MINDY3: variants seen among roughly 807,000 people sequenced by gnomAD.
The protein encoded by MINDY3 is ubiquitin carboxyl-terminal hydrolase MINDY-3.
Under a neutral mutation model 69.2 loss-of-function variants are expected in MINDY3, and 38 were observed. That is an observed-to-expected ratio of 0.55 (90% CI 0.42 to 0.72). The LOEUF (loss-of-function observed/expected upper bound fraction) is 0.72, where lower values mean the gene tolerates loss of function less well. MINDY3 is among the 30% of genes least tolerant of loss of function. The probability of loss-of-function intolerance (pLI) is 0.00; values close to 1 mark genes in which losing one functional copy is unlikely to be tolerated. For synonymous variants in MINDY3, 192 were observed against 180.1 expected, an observed-to-expected ratio of 1.07 and a Z score of -0.53; for missense variants, 522 against 519.0, an observed-to-expected ratio of 1.01 and a Z score of -0.06.
intron 3 of MINDY3, among the ~76,000 whole-genome samples, chr10:15,842,118 TAC>T (rs1302151584): frequency 2.0e-5 from 3 of 151,974 alleles, no homozygotes; most frequent in African/African-American, 7.2e-5. Context: ...GTGGTTAGAA[TAC>T]AGATTTGAGC....
At chr10:15,820,021 T>C (rs1839647543) in intron 9 of MINDY3, among the ~76,000 whole-genome samples, 1 of 152,200 alleles carries the variant, frequency 6.6e-6, no homozygotes, top group Non-Finnish European at 1.5e-5. Context: ...TACCTAGCAA[T>C]GTCCCAGTTT....
chr10:15,790,118 T>C (rs1378282041), intron 11 of MINDY3, among the ~76,000 whole-genome samples: 1 of 152,116 alleles, frequency 6.6e-6, no homozygotes, highest in Non-Finnish European at 1.5e-5. Flanking sequence ...AAAAAAAATC[T>C]TGCCATGGAG....
chr10:15,807,430 A>T (rs1477811320), intron 10 of MINDY3, among the ~76,000 whole-genome samples: 1 of 152,186 alleles, frequency 6.6e-6, no homozygotes, highest in Non-Finnish European at 1.5e-5. Context: ...TGGGCAGAGG[A>T]TAACATAAGC....
chr10:15,803,175 T>G (rs1034730415), intron 10 of MINDY3, among the ~76,000 whole-genome samples: 2 of 152,176 alleles, frequency 1.3e-5, no homozygotes, highest in African/African-American at 4.8e-5. Flanking sequence ...ATCAGAAAGT[T>G]ATGAAACCAC....
intron 10 of MINDY3, among the ~76,000 whole-genome samples, chr10:15,800,626 AC>A (rs1564470549): frequency 4.6e-5 from 7 of 152,122 alleles, no homozygotes; most frequent in Admixed American, 2.6e-4. Flanking sequence ...ATGAAGTGCC[AC>A]TAGTGATGCC....
intron 11 of MINDY3, among the ~76,000 whole-genome samples, chr10:15,791,957 G>GT (rs1837455437): frequency 1.3e-5 from 2 of 152,044 alleles, no homozygotes. Context: ...GAAGCCAAAT[G>GT]TTGGATACTC....
At chr10:15,823,507 CCTT>C (rs1839904293) in intron 8 of MINDY3, among the ~76,000 whole-genome samples, 1 of 152,014 alleles carries the variant, frequency 6.6e-6, no homozygotes, top group African/African-American at 2.4e-5. Context: ...ACGTCACTCT[CCTT>C]AATTTTTGTT....
chr10:15,859,895 G>C (rs899502159), intron 1 of MINDY3, among the ~76,000 whole-genome samples: 1 of 152,202 alleles, frequency 6.6e-6, no homozygotes, highest in Non-Finnish European at 1.5e-5. Flanking sequence ...ACCGGGGCAC[G>C]GGGCGCATCT....
chr10:15,834,973 A>G (rs983308893), intron 6 of MINDY3, among the ~76,000 whole-genome samples: 1 of 151,940 alleles, frequency 6.6e-6, no homozygotes, highest in African/African-American at 2.4e-5. Flanking sequence ...AAGGCAACTG[A>G]TTTTTTTAGA....
intron 13 of MINDY3, among the ~76,000 whole-genome samples, chr10:15,783,103 C>G (rs1214526536): frequency 6.6e-6 from 1 of 152,202 alleles, no homozygotes; most frequent in Admixed American, 6.5e-5. Flanking sequence ...CTGCTGGCAA[C>G]TGGAGCTTCA....
chr10:15,858,133 C>G (rs567391867), intron 1 of MINDY3, among the ~76,000 whole-genome samples: 3 of 152,254 alleles, frequency 2.0e-5, no homozygotes, highest in Admixed American at 6.5e-5. Context: ...TAACAGGACC[C>G]CTCTGATTCA....
At chr10:15,825,945 T>C (rs888243430) in intron 8 of MINDY3, among the ~76,000 whole-genome samples, 3 of 151,948 alleles carry the variant, frequency 2.0e-5, no homozygotes, top group African/African-American at 7.3e-5. Context: ...TAAAGAAAAT[T>C]ATAAAATAAA....
intron 8 of MINDY3, among the ~76,000 whole-genome samples, chr10:15,833,246 C>A (rs1039103327): frequency 4.6e-5 from 7 of 152,128 alleles, no homozygotes; most frequent in Admixed American, 1.3e-4. Flanking sequence ...GTAATATAGG[C>A]AAAAACCCAA....
At chr10:15,827,640 A>G (rs1840183102) in intron 8 of MINDY3, among the ~76,000 whole-genome samples, 1 of 152,122 alleles carries the variant, frequency 6.6e-6, no homozygotes, top group South Asian at 2.1e-4. Context: ...CTGGGTGACA[A>G]TATTTGCAAC....
chr10:15,838,485 C>A (rs1283457952), intron 4 of MINDY3, among the ~76,000 whole-genome samples: 1 of 151,568 alleles, frequency 6.6e-6, no homozygotes, highest in Non-Finnish European at 1.5e-5. Context: ...CGATATAATA[C>A]TGAGAATATA....
At chr10:15,820,143 A>G (rs1839655793) in intron 9 of MINDY3, among the ~76,000 whole-genome samples, 1 of 152,202 alleles carries the variant, frequency 6.6e-6, no homozygotes, top group Admixed American at 6.5e-5. Flanking sequence ...GTGGAAAAGA[A>G]TATCTGAGGG....
At chr10:15,795,624 T>C (rs1336505946) in intron 11 of MINDY3, among the ~76,000 whole-genome samples, 2 of 152,032 alleles carry the variant, frequency 1.3e-5, no homozygotes, top group African/African-American at 4.8e-5. Context: ...TTTAATGATA[T>C]ATATGTGAAC....
chr10:15,807,847 C>T (rs1838740039), intron 10 of MINDY3, among the ~76,000 whole-genome samples: 1 of 152,150 alleles, frequency 6.6e-6, no homozygotes, highest in South Asian at 2.1e-4. Context: ...ACAAATACAG[C>T]TGCATAAGGC....
chr10:15,801,257 G>A (rs1178782697), intron 10 of MINDY3, among the ~76,000 whole-genome samples: 2 of 152,238 alleles, frequency 1.3e-5, no homozygotes, highest in East Asian at 3.9e-4. Flanking sequence ...GAAAGGAAAA[G>A]GCTACTGTTT....
Sources: gnomAD v4.1 joint callset for allele counts (sites outside exome capture counted in the v4.1 genomes callset) on GRCh38, gnomAD v4.1.1 for gene constraint, MANE v1.5 for transcripts, NCBI Gene and HGNC (gene_info 2026-07-23, HGNC 2026-07-21) for gene names.